The following PRDM12 variants were observed in gnomAD, a reference collection of about 807,000 sequenced individuals.
PRDM12 encodes PR/SET domain 12.
In PRDM12, 17 loss-of-function variants were observed where a neutral mutation model predicts 29.6. The ratio of observed to expected loss-of-function variants is 0.57; its 90% CI spans 0.39 to 0.86. PRDM12 has a LOEUF of 0.86. Among genes scored for constraint, PRDM12 ranks in the 40% least tolerant of loss-of-function variants. PRDM12 has a pLI of 0.00. For missense variants in PRDM12, 422 were observed against 510.8 expected, an observed-to-expected ratio of 0.83 and a Z score of 1.68; for synonymous variants, 231 against 225.8, an observed-to-expected ratio of 1.02 and a Z score of -0.21.
intron 2 of PRDM12, among the ~76,000 whole-genome samples, chr9:130,667,513 G>T (rs920892164): frequency 2.9e-5 from 4 of 138,818 alleles, no homozygotes; most frequent in Non-Finnish European, 6.1e-5. Context: ...TCATTCCCTC[G>T]CCCGCTCCCC....
Position 130,681,447 on chromosome 9 carries a change from G to C in PRDM12, c.882G>C (p.Thr294=). The part of the protein sequence containing the change: ...STLRNHVRLH[T]GERPYKCQVC... ...TGCGCAACCACGTGCGCCTGCACAC[G>C]GGCGAGCGCCCCTACAAGTGCCAGG... The change falls in exon 5 of 5, where the codon ACG becomes ACC. Residue 294 remains threonine, a synonymous_variant. Transcript: ENST00000253008. The surrounding 1 kb of genome is among the most constrained non-coding windows in gnomAD (Gnocchi z 8.1). 4 of 1,590,920 alleles carry C rather than the reference G, an allele frequency of 2.5e-6. No individual in the cohort carries two copies. Among genetic ancestry groups the C allele is most frequent in the Admixed American group, 1.7e-5 (1 of 59,088 alleles).
chr9:130,664,909 C>T lies in PRDM12; in HGVS notation c.223+33C>T, dbSNP rs999466525. On this transcript the variant is annotated intron_variant, in intron 1 of 4. Transcript: ENST00000253008. This position sits in a 1 kb window ranked among gnomAD's most constrained non-coding sequence, Gnocchi z 6.4. ...CAGCCGTCGGAGCCCGGCGCAATCCCTCCTCCCGGCGACCCCCATTCCCGT... is the reference window on the plus strand; with the variant it reads ...CAGCCGTCGGAGCCCGGCGCAATCCTTCCTCCCGGCGACCCCCATTCCCGT... 6.7e-7 allele frequency: 1 copy of T among 1,492,240 alleles called. No individual in the cohort carries two copies. Among genetic ancestry groups the T allele is most frequent in the Non-Finnish European group, 9.0e-7 (1 of 1,114,662 alleles). 92.4% of individuals were successfully genotyped at this position (1,492,240 alleles called of 1,614,324 possible).
At position 130,681,934 on chromosome 9, in the gene PRDM12, C is replaced by A; in HGVS notation, c.*265C>A. On this transcript the variant is annotated 3_prime_UTR_variant, in exon 5 of 5. Coordinates refer to ENST00000253008, the MANE Select transcript of PRDM12 (RefSeq NM_021619.3). This position sits in a 1 kb window ranked among gnomAD's most constrained non-coding sequence, Gnocchi z 8.1. The stretch of plus-strand genomic sequence containing the variant: ...CTCCTCTGGGAGGGGGTCCCCCTGC[C>A]TGGCCTCGCCCCCGAGTCTCCCTGC... 1 of 179,236 alleles carries A rather than the reference C, an allele frequency of 5.6e-6. No individual in the cohort carries two copies. Among genetic ancestry groups the A allele is most frequent in the Non-Finnish European group, 1.1e-5 (1 of 92,934 alleles). The allele number at this position is 179,236 out of a possible 1,614,324, so 11.1% of individuals were successfully genotyped here.
Position 130,682,154 on chromosome 9 carries a change from C to G in PRDM12, c.*485C>G, listed in dbSNP as rs1830911661. The G allele has an allele frequency of 6.6e-6, 1 of 152,368 alleles. No homozygotes were observed. Among genetic ancestry groups the G allele is most frequent in the South Asian group, 2.1e-4 (1 of 4,832 alleles). 9.4% of individuals were successfully genotyped at this position (152,368 alleles called of 1,614,324 possible). ...GGCGCGGGGGTTGTGGGGGCGCCAT[C>G]TCCTCTTCCGGCCCCTGGGACTGGT... On this transcript the variant is annotated 3_prime_UTR_variant, in exon 5 of 5. Transcript: ENST00000253008. The surrounding 1 kb of genome is among the most constrained non-coding windows in gnomAD (Gnocchi z 4.2).
Position 130,682,017 on chromosome 9 carries a change from C to T in PRDM12, c.*348C>T, listed in dbSNP as rs1830910116. 3 of 152,400 alleles carry T rather than the reference C, an allele frequency of 2.0e-5. No individual in the cohort carries two copies. The highest frequency in any genetic ancestry group is 6.5e-5 in the Admixed American group (1 of 15,290). 9.4% of individuals were successfully genotyped at this position (152,400 alleles called of 1,614,324 possible). A position where few individuals can be genotyped will look rare whatever the true frequency, so the allele number is the denominator to read the frequency against. On this transcript the variant is annotated 3_prime_UTR_variant, in exon 5 of 5. Coordinates refer to ENST00000253008, the MANE Select transcript of PRDM12 (RefSeq NM_021619.3). This position sits in a 1 kb window ranked among gnomAD's most constrained non-coding sequence, Gnocchi z 4.2. ...CCCTCGTGGGTGGCAGGAGAGCGGA[C>T]TTAGAGCCCCCGAGGGCCCCTCAGC...
intron 3 of PRDM12, among the ~76,000 whole-genome samples, chr9:130,676,784 G>A (rs1195075940): frequency 1.3e-5 from 2 of 152,150 alleles, no homozygotes; most frequent in Non-Finnish European, 1.5e-5. Context: ...ATGATGCCCC[G>A]TGAACCATGG....
chr9:130,679,884 C>A, intron 4 of PRDM12, among the ~76,000 whole-genome samples: 1 of 150,956 alleles, frequency 6.6e-6, no homozygotes, highest in African/African-American at 2.4e-5. Flanking sequence ...TGGTCTGGAA[C>A]TCCTGGGCTC....
chr9:130,680,659 A>ATATATATATATATATATATATATTT, intron 4 of PRDM12, among the ~76,000 whole-genome samples: 6 of 72,158 alleles, frequency 8.3e-5, no homozygotes, highest in South Asian at 5.5e-4. Context: ...ATATATATAT[A>ATATATATATATATATATATATATTT]TTTTTTTTTT....
At chr9:130,667,207 C>T (rs1014935915) in intron 2 of PRDM12, among the ~76,000 whole-genome samples, 2 of 152,192 alleles carry the variant, frequency 1.3e-5, no homozygotes, top group East Asian at 3.9e-4. Flanking sequence ...CAGTCCTGGG[C>T]TGGGGGTGAG....
rs956293923 is a variant in PRDM12 at position 130,681,633 on chromosome 9, C to CGCT, written c.1070_1071insTGC (p.Ala359dup). The CGCT allele has an allele frequency of 1.0e-6, 1 of 969,244 alleles. No individual in the cohort carries two copies. The highest frequency in any genetic ancestry group is 1.2e-6 in the Non-Finnish European group (1 of 818,344). The allele number at this position is 969,244 out of a possible 1,614,324, so 60.0% of individuals were successfully genotyped here. On this transcript the variant is annotated inframe_insertion, in exon 5 of 5. Coordinates refer to ENST00000253008, the MANE Select transcript of PRDM12 (RefSeq NM_021619.3). The surrounding 1 kb of genome is among the most constrained non-coding windows in gnomAD (Gnocchi z 8.1). ...CCGCCGCCGCCGCCGCCGCCGCCGC[C>CGCT]GCCGCCGCGCACCACCTGCCGGCCA...
intron 3 of PRDM12, among the ~76,000 whole-genome samples, chr9:130,671,359 A>ACAAC (rs1352419467): frequency 1.3e-5 from 2 of 148,412 alleles, no homozygotes; most frequent in African/African-American, 2.5e-5. Flanking sequence ...AACAACAACA[A>ACAAC]AAAAAGAGGA....
chr9:130,677,897 A>G (rs1050687059), intron 3 of PRDM12, among the ~76,000 whole-genome samples: 1 of 152,096 alleles, frequency 6.6e-6, no homozygotes, highest in African/African-American at 2.4e-5. Context: ...GACGCGGTGA[A>G]CTGGACTCTG....
chr9:130,666,646 G>T lies in PRDM12; in HGVS notation c.262G>T (p.Val88Leu). The change falls in exon 2 of 5, where the codon GTG becomes TTG. Residue 88 changes from valine to leucine, a missense_variant. Around this residue, in one of 5 missense-constraint regions of PRDM12, gnomAD observed 300 missense variants for 350.0 expected, o/e 0.86. Coordinates refer to ENST00000253008, the MANE Select transcript of PRDM12 (RefSeq NM_021619.3). ...KLSSLVLPAE[V>L]IIAQSSIPGE... ...GTCCAGCCTGGTGCTGCCTGCGGAG[G>T]TGATCATCGCTCAGAGCTCCATCCC... 6.2e-7 allele frequency: 1 copy of T among 1,613,104 alleles called. No homozygotes were observed. The highest frequency in any genetic ancestry group is 8.5e-7 in the Non-Finnish European group (1 of 1,179,700).
intron 2 of PRDM12, among the ~76,000 whole-genome samples, chr9:130,667,870 C>T (rs912457173): frequency 8.5e-5 from 13 of 152,164 alleles, no homozygotes; most frequent in African/African-American, 3.1e-4. Flanking sequence ...GCAGTGATCC[C>T]TTGGAGACCC....
rs190620180 is a variant in PRDM12 at position 130,680,763 on chromosome 9, A to G, written c.683-485A>G. On this transcript the variant is annotated intron_variant, in intron 4 of 4. Coordinates refer to ENST00000253008, the MANE Select transcript of PRDM12 (RefSeq NM_021619.3). ...ATGGTACAGAGTAGGCATTCAGTAA[A>G]TGTTTGTGGGATGAGTTAATGAAAG... Among the ~76,000 whole-genome samples the G allele has an allele frequency of 1.4e-3, 216 of 149,888 alleles. 1 individual carries two copies. Among genetic ancestry groups the G allele is most frequent in the African/African-American group, 5.0e-3 (201 of 40,488 alleles).
At chr9:130,669,408 A>T (rs1441473248) in intron 3 of PRDM12, among the ~76,000 whole-genome samples, 3 of 152,140 alleles carry the variant, frequency 2.0e-5, no homozygotes, top group Non-Finnish European at 2.9e-5. Flanking sequence ...CTGTAATCTC[A>T]GCTACTCAGG....
At position 130,681,239 on chromosome 9, in the gene PRDM12, C is replaced by T. The variant is rs1308638211; in HGVS notation, c.683-9C>T. ...TCCCTTCCCCCGCCCCGCCCCGCCC[C>T]GCGGCCAGAGGACTTCCACCCGGCG... On this transcript the variant is annotated splice_polypyrimidine_tract_variant and intron_variant, in intron 4 of 4. Transcript: ENST00000253008. This position sits in a 1 kb window ranked among gnomAD's most constrained non-coding sequence, Gnocchi z 8.1. 4 of 1,454,868 alleles carry T rather than the reference C, an allele frequency of 2.7e-6. No individual in the cohort carries two copies. Among genetic ancestry groups the T allele is most frequent in the Non-Finnish European group, 3.6e-6 (4 of 1,099,954 alleles). 90.1% of individuals were successfully genotyped at this position (1,454,868 alleles called of 1,614,324 possible).
At chr9:130,673,095 C>A (rs1830804109) in intron 3 of PRDM12, among the ~76,000 whole-genome samples, 1 of 152,220 alleles carries the variant, frequency 6.6e-6, no homozygotes. Flanking sequence ...GAGCCTATCC[C>A]TGCTCCCCAG....
chr9:130,667,919 G>A lies in PRDM12; in HGVS notation c.415-239G>A, dbSNP rs534082760. ...GTAGGGAGGACACGGCAACAGGAGC[G>A]TGTATCATGGTCAGCCCATAGAGCC... On this transcript the variant is annotated intron_variant, in intron 2 of 4. Transcript: ENST00000253008. Among the ~76,000 whole-genome samples the A allele has an allele frequency of 9.8e-5, 15 of 152,324 alleles. No homozygotes were observed. The South Asian group carries it at 2.5e-3, about 25-fold the overall frequency.
Sources: gnomAD v4.1 joint callset for allele counts (sites outside exome capture counted in the v4.1 genomes callset) on GRCh38, gnomAD v4.1.1 for gene constraint, gnomAD v4.1.1 regional missense constraint, Gnocchi (gnomAD v3.1) non-coding constraint, MANE v1.5 for transcripts, NCBI Gene and HGNC (gene_info 2026-07-23, HGNC 2026-07-21) for gene names.